The following GRID2 variants were observed in gnomAD, a reference collection of about 807,000 sequenced individuals.
GRID2 encodes glutamate receptor ionotropic, delta-2.
GRID2 carries 33 observed loss-of-function variants against 114.8 expected under a neutral mutation model. The ratio of observed to expected loss-of-function variants is 0.29; its 90% CI spans 0.22 to 0.38. GRID2 has a LOEUF of 0.38. GRID2 is among the 10% of genes least tolerant of loss of function. The pLI, the probability that GRID2 is intolerant of heterozygous loss-of-function variation, is 1.00. For synonymous variants in GRID2, 505 were observed against 449.9 expected, an observed-to-expected ratio of 1.12 and a Z score of -1.55; for missense variants, 1,184 against 1,257.7, an observed-to-expected ratio of 0.94 and a Z score of 0.89.
At chr4:92,938,275 A>C (rs557125324) in intron 2 of GRID2, among the ~76,000 whole-genome samples, 2 of 146,262 alleles carry the variant, frequency 1.4e-5, no homozygotes, top group South Asian at 2.3e-4. Flanking sequence ...ATCAGTTCTT[A>C]TTTTTAGTTG....
At chr4:92,837,737 A>G (rs1742558402) in intron 2 of GRID2, among the ~76,000 whole-genome samples, 1 of 152,066 alleles carries the variant, frequency 6.6e-6, no homozygotes, top group Admixed American at 6.6e-5. Flanking sequence ...ACTTGGTAAA[A>G]AGTAATTGGA....
chr4:92,667,430 C>G (rs191331044), intron 2 of GRID2, among the ~76,000 whole-genome samples: 235 of 151,540 alleles, frequency 1.6e-3, no homozygotes, highest in African/African-American at 5.6e-3. Flanking sequence ...ACGGTTTAAT[C>G]CCTCCTCTGA....
chr4:93,505,371 C>T (rs980614916), intron 12 of GRID2, among the ~76,000 whole-genome samples: 2 of 151,900 alleles, frequency 1.3e-5, no homozygotes, highest in African/African-American at 4.8e-5. Context: ...ATTTTACAAT[C>T]ATCCTATAAT....
At chr4:92,680,638 A>G (rs1273768747) in intron 2 of GRID2, among the ~76,000 whole-genome samples, 1 of 152,038 alleles carries the variant, frequency 6.6e-6, no homozygotes, top group Non-Finnish European at 1.5e-5. Context: ...TGAAAACAAC[A>G]GATTCGTTGT....
intron 2 of GRID2, among the ~76,000 whole-genome samples, chr4:93,040,668 A>C (rs1278149650): frequency 6.6e-6 from 1 of 152,154 alleles, no homozygotes; most frequent in Non-Finnish European, 1.5e-5. Flanking sequence ...TTAACAATGA[A>C]AAATCGGTCG....
intron 1 of GRID2, among the ~76,000 whole-genome samples, chr4:92,377,801 TGAG>T (rs1231833978): frequency 6.6e-6 from 1 of 152,058 alleles, no homozygotes; most frequent in Non-Finnish European, 1.5e-5. Context: ...TCGGATCTCA[TGAG>T]ACTACTTTAC....
At chr4:93,550,325 G>A (rs1298290611) in intron 13 of GRID2, among the ~76,000 whole-genome samples, 3 of 152,104 alleles carry the variant, frequency 2.0e-5, no homozygotes, top group Admixed American at 2.0e-4. Flanking sequence ...TCATGACAAA[G>A]TAGTTTAATA....
At chr4:93,782,754 A>T (rs1456292550) in intron 1 of GRID2, among the ~76,000 whole-genome samples, 1 of 152,212 alleles carries the variant, frequency 6.6e-6, no homozygotes, top group Middle Eastern at 3.2e-3. Flanking sequence ...TCAAATATAA[A>T]ACAAGAAATA....
At chr4:92,747,164 T>C (rs976537254) in intron 2 of GRID2, among the ~76,000 whole-genome samples, 19 of 152,140 alleles carry the variant, frequency 1.2e-4, no homozygotes, top group Admixed American at 8.5e-4. Context: ...TAAAATGATA[T>C]CTATTGCCGT....
chr4:92,905,289 T>C (rs1747860665), intron 2 of GRID2, among the ~76,000 whole-genome samples: 1 of 150,778 alleles, frequency 6.6e-6, no homozygotes, highest in African/African-American at 2.5e-5. Flanking sequence ...TTGAATAAAT[T>C]AATTCCACAC....
intron 8 of GRID2, among the ~76,000 whole-genome samples, chr4:93,354,441 G>A (rs1304537207): frequency 6.6e-6 from 1 of 151,896 alleles, no homozygotes; most frequent in Admixed American, 6.6e-5. Flanking sequence ...GATGAAACAG[G>A]AAAGAAGCAA....
intron 1 of GRID2, among the ~76,000 whole-genome samples, chr4:92,453,233 G>T (rs940549801): frequency 6.6e-6 from 1 of 152,124 alleles, no homozygotes; most frequent in Non-Finnish European, 1.5e-5. Flanking sequence ...GAAAGGAGGG[G>T]AGAGAAGGAA....
At chr4:93,692,597 T>C (rs1355954146) in intron 14 of GRID2, among the ~76,000 whole-genome samples, 4 of 152,146 alleles carry the variant, frequency 2.6e-5, no homozygotes, top group African/African-American at 7.2e-5. Context: ...TTATGTATAC[T>C]TAGCCTCATA....
intron 4 of GRID2, among the ~76,000 whole-genome samples, chr4:93,126,839 C>T (rs1318665475): frequency 6.6e-6 from 1 of 151,750 alleles, no homozygotes; most frequent in Non-Finnish European, 1.5e-5. Context: ...CCTCGTGATC[C>T]GCCCGCCTCG....
intron 1 of GRID2, among the ~76,000 whole-genome samples, chr4:92,406,798 G>T (rs544716861): frequency 6.6e-6 from 1 of 151,852 alleles, no homozygotes; most frequent in Admixed American, 6.6e-5. Context: ...GTAAGAACAT[G>T]TGGTATTTGG....
rs560534563 is a variant in GRID2 at position 92,568,416 on chromosome 4, G to T, written c.89-21715G>T. Among the ~76,000 whole-genome samples the T allele has an allele frequency of 2.0e-5, 3 of 152,012 alleles. No individual in the cohort carries two copies. In the South Asian group the frequency reaches 6.2e-4, roughly 32 times the overall value. ...TACAACAATCTTTTGTCTCCCCATG[G>T]TTTCTCTCAAGTTTTTTGTTGGTTC... is the stretch of plus-strand genomic sequence containing the variant. On this transcript the variant is annotated intron_variant, in intron 1 of 15. Transcript: ENST00000282020.
chr4:92,464,385 C>A (rs1721648240), intron 1 of GRID2, among the ~76,000 whole-genome samples: 1 of 152,008 alleles, frequency 6.6e-6, no homozygotes. Context: ...AAATACTGTT[C>A]TCTTTAATGT....
chr4:92,446,996 G>T (rs896197061), intron 1 of GRID2, among the ~76,000 whole-genome samples: 9 of 152,098 alleles, frequency 5.9e-5, no homozygotes, highest in Non-Finnish European at 7.4e-5. Flanking sequence ...AGTCAGCAAG[G>T]GTTCAGAAAC....
intron 1 of GRID2, among the ~76,000 whole-genome samples, chr4:92,330,340 C>T (rs973505038): frequency 6.6e-6 from 1 of 152,116 alleles, no homozygotes; most frequent in Non-Finnish European, 1.5e-5. Flanking sequence ...TGGAAGGCTC[C>T]TTGACAGCAG....
Sources: gnomAD v4.1 joint callset for allele counts (sites outside exome capture counted in the v4.1 genomes callset) on GRCh38, gnomAD v4.1.1 for gene constraint, MANE v1.5 for transcripts, NCBI Gene and HGNC (gene_info 2026-07-23, HGNC 2026-07-21) for gene names.